Variants in DNAH9 observed in about 807,000 individuals in gnomAD.
DNAH9 encodes DNAH9 variant protein.
Under a neutral mutation model 471.6 loss-of-function variants are expected in DNAH9, and 345 were observed. The ratio of observed to expected loss-of-function variants is 0.73; its 90% CI spans 0.67 to 0.80. The LOEUF (loss-of-function observed/expected upper bound fraction) is 0.80. Among genes scored for constraint, DNAH9 ranks in the 30% least tolerant of loss-of-function variants. The probability of loss-of-function intolerance (pLI) is 0.00; values close to 1 mark genes in which losing one functional copy is unlikely to be tolerated. For synonymous variants in DNAH9, 2,093 were observed against 2,123.6 expected (o/e 0.99, Z 0.40); for missense variants, 5,407 against 5,609.2 (o/e 0.96, Z 1.15).
At chr17:11,734,491 G>C (rs2075314840) in intron 28 of DNAH9, among the ~76,000 whole-genome samples, 1 of 152,206 alleles carries the variant, frequency 6.6e-6, no homozygotes, top group African/African-American at 2.4e-5. Flanking sequence ...TGAAAAATGA[G>C]GAAAACACCG....
At chr17:11,819,995 A>G (rs987481510) in intron 45 of DNAH9, among the ~76,000 whole-genome samples, 12 of 152,140 alleles carry the variant, frequency 7.9e-5, no homozygotes, top group African/African-American at 2.7e-4. Flanking sequence ...AGAAAACACA[A>G]TAGCAATCAT....
chr17:11,879,736 C>T (rs745573187), intron 53 of DNAH9, among the ~76,000 whole-genome samples: 5 of 151,728 alleles, frequency 3.3e-5, no homozygotes, highest in Non-Finnish European at 7.4e-5. Context: ...TAAAAAAAAA[C>T]AGGTTATAAA....
chr17:11,682,356 A>G (rs1390674220), intron 19 of DNAH9, among the ~76,000 whole-genome samples: 4 of 152,008 alleles, frequency 2.6e-5, no homozygotes, highest in Admixed American at 6.6e-5. Context: ...GGTTCAAGCA[A>G]TCCTCTCACC....
chr17:11,929,415 C>T (rs1974433334), intron 62 of DNAH9, among the ~76,000 whole-genome samples: 1 of 152,122 alleles, frequency 6.6e-6, no homozygotes. Flanking sequence ...CATTCTCAGG[C>T]CCCATCCTGG....
chr17:11,605,392 A>G (rs1047366280), intron 1 of DNAH9, among the ~76,000 whole-genome samples: 3 of 152,216 alleles, frequency 2.0e-5, no homozygotes, highest in Non-Finnish European at 2.9e-5. Flanking sequence ...TCACGGGTGT[A>G]TCCTCCTAGC....
Position 11,793,662 on chromosome 17 carries a change from G to T in DNAH9, c.8221G>T (p.Asp2741Tyr). ...GACAGAAGTGCTCAAGAAAACTTTTGATGTGAGTATTGCCCTATGGATTTT... is the reference window on the plus strand; with the variant it reads ...GACAGAAGTGCTCAAGAAAACTTTTTATGTGAGTATTGCCCTATGGATTTT... ...IQTEVLKKTFDDIEDPVEQTQ... is the reference protein window; with the variant it reads ...IQTEVLKKTFYDIEDPVEQTQ... Residue 2741 changes from aspartate to tyrosine, a missense_variant and splice_region_variant, in exon 42 of 69, where the codon GAT becomes TAT. By Grantham distance (160) the Asp-to-Tyr change is radical. This residue lies in a region of DNAH9 where 4,636 missense variants were observed against 4,900.3 expected (regional missense o/e 0.95). Transcript: ENST00000262442. The T allele has an allele frequency of 6.2e-7, 1 of 1,607,694 alleles. No homozygotes were observed. Among genetic ancestry groups the T allele is most frequent in the Middle Eastern group, 1.8e-4 (1 of 5,646 alleles).
intron 57 of DNAH9, among the ~76,000 whole-genome samples, chr17:11,890,611 A>T (rs1356879829): frequency 1.3e-5 from 2 of 152,250 alleles, no homozygotes; most frequent in Non-Finnish European, 2.9e-5. Flanking sequence ...AAATCTGCAT[A>T]ACCCAAAATT....
chr17:11,877,813 C>T (rs970082750), intron 53 of DNAH9, among the ~76,000 whole-genome samples: 1 of 152,194 alleles, frequency 6.6e-6, no homozygotes, highest in Admixed American at 6.5e-5. Flanking sequence ...CGGCTCACTG[C>T]AACCTCCACC....
intron 12 of DNAH9, among the ~76,000 whole-genome samples, chr17:11,648,347 C>A (rs2073435096): frequency 6.6e-6 from 1 of 152,164 alleles, no homozygotes; most frequent in Non-Finnish European, 1.5e-5. Flanking sequence ...AGACGTGAGT[C>A]TGTTTAACTT....
chr17:11,946,663 CAAAA>C (rs754149437), intron 67 of DNAH9, among the ~76,000 whole-genome samples: 2 of 67,938 alleles, frequency 2.9e-5, no homozygotes, highest in Admixed American at 1.9e-4. Context: ...GACTCCATCT[CAAAA>C]AAAAAAAAAA....
At chr17:11,834,530 T>A in intron 48 of DNAH9, 108 bp from the exon 49 acceptor site, 1 of 1,321,888 alleles carries the variant, frequency 7.6e-7, no homozygotes, top group Non-Finnish European at 1.0e-6. Flanking sequence ...TCTATTCTGC[T>A]CCACAGAGTT....
chr17:11,863,710 G>A (rs1416302306), intron 50 of DNAH9, among the ~76,000 whole-genome samples: 1 of 150,500 alleles, frequency 6.6e-6, no homozygotes, highest in Non-Finnish European at 1.5e-5. Context: ...CCTGTTATTG[G>A]TCTATTCAGA....
chr17:11,765,811 G>A (rs142688742), intron 36 of DNAH9, among the ~76,000 whole-genome samples: 162 of 152,272 alleles, frequency 1.1e-3, no homozygotes, highest in South Asian at 6.8e-3. Flanking sequence ...CAGAGATCCC[G>A]AATGCATAGG....
chr17:11,625,205 C>T (rs555330296), intron 6 of DNAH9, among the ~76,000 whole-genome samples: 1 of 152,316 alleles, frequency 6.6e-6, no homozygotes, highest in South Asian at 2.1e-4. Flanking sequence ...TTGGCGAGAA[C>T]TCTCATTTCC....
At position 11,817,794 on chromosome 17, in the gene DNAH9, T is replaced by C. The variant is rs75851047; in HGVS notation, c.8708-4126T>C. The stretch of plus-strand genomic sequence containing the variant: ...CAAATTATAGTACAGGAATTTTATA[T>C]GCATGTCATTAACTATCTCAAAGAA... On this transcript the variant is annotated intron_variant, in intron 45 of 68. Coordinates refer to ENST00000262442, the MANE Select transcript of DNAH9 (RefSeq NM_001372.4). Among the ~76,000 whole-genome samples, 816 of 152,340 alleles carry C rather than the reference T, an allele frequency of 5.4e-3. 9 individuals carry two copies. The highest frequency in any genetic ancestry group is 0.019 in the African/African-American group (775 of 41,578).
At chr17:11,694,640 TGCTTTCTC>T (rs1285813338) in intron 22 of DNAH9, among the ~76,000 whole-genome samples, 193 bp downstream of exon 22, 61 of 2,670 alleles carry the variant, frequency 0.023, 17 homozygotes, top group African/African-American at 0.034. Context: ...CTTGCTTTCT[TGCTTTCTC>T]GCTTTCTCGC....
At chr17:11,909,146 T>C (rs1261509643) in intron 61 of DNAH9, among the ~76,000 whole-genome samples, 1 of 152,200 alleles carries the variant, frequency 6.6e-6, no homozygotes, top group Admixed American at 6.5e-5. Flanking sequence ...CTTGAAACTA[T>C]ATAATATGTT....
chr17:11,928,255 G>A (rs1974396377), intron 62 of DNAH9, among the ~76,000 whole-genome samples: 1 of 152,044 alleles, frequency 6.6e-6, no homozygotes, highest in Admixed American at 6.6e-5. Context: ...ACATATGTGA[G>A]CCACTGCACC....
intron 61 of DNAH9, 74 bp downstream of exon 61, chr17:11,905,883 C>A: frequency 6.7e-7 from 1 of 1,483,974 alleles, no homozygotes; most frequent in Non-Finnish European, 9.0e-7. Context: ...CTATTGATTT[C>A]TCTTTTCTGG....
Sources: allele counts gnomAD v4.1 joint callset (sites outside exome capture counted in the v4.1 genomes callset), GRCh38; gene constraint gnomAD v4.1.1; regional missense constraint gnomAD v4.1.1; transcripts MANE v1.5; gene names NCBI Gene and HGNC (gene_info 2026-07-23, HGNC 2026-07-21).